IPP: variants seen among roughly 807,000 people sequenced by gnomAD.
IPP encodes the protein actin-binding protein IPP.
A neutral mutation model predicts 64.1 loss-of-function variants in IPP; 41 were observed. The ratio of observed to expected loss-of-function variants is 0.64; its 90% CI spans 0.50 to 0.83. IPP has a LOEUF of 0.83. Among genes scored for constraint, IPP ranks in the 40% least tolerant of loss-of-function variants. The probability of loss-of-function intolerance (pLI) is 0.00; values close to 1 mark genes in which losing one functional copy is unlikely to be tolerated. For synonymous variants in IPP, 214 were observed against 235.2 expected (o/e 0.91, Z 0.83); for missense variants, 649 against 703.0 (o/e 0.92, Z 0.87).
In IPP at chr1:45,698,710, TTTTTTTC is replaced by T. The variant is rs1300258433; in HGVS notation, c.*1249_*1255del. On this transcript the variant is annotated 3_prime_UTR_variant, in exon 9 of 9. Transcript: ENST00000396478. ...ACAATCTAGCAAAAAAGGAAGAATT[TTTTTTTC>T]TTTTTTTTTTTTTTTTTTTGAGACA... 5.4e-6 allele frequency: 4 copies of T among 744,948 alleles called. No homozygotes were observed. Among genetic ancestry groups the T allele is most frequent in the African/African-American group, 3.4e-5 (1 of 29,084 alleles). 46.1% of individuals were successfully genotyped at this position (744,948 alleles called of 1,614,324 possible).
intron 4 of IPP, among the ~76,000 whole-genome samples, chr1:45,728,969 T>A (rs1158295021): frequency 1.3e-5 from 2 of 149,394 alleles, no homozygotes; most frequent in African/African-American, 2.4e-5. Flanking sequence ...CTACTTAAAA[T>A]ATATATATAT....
Position 45,750,594 on chromosome 1 carries a change from T to C in IPP, c.-51+3A>G, listed in dbSNP as rs1646209690. 6.6e-6 allele frequency: 1 copy of C among 152,418 alleles called. No individual in the cohort carries two copies. The highest frequency in any genetic ancestry group is 1.5e-5 in the Non-Finnish European group (1 of 68,218). 9.4% of individuals were successfully genotyped at this position (152,418 alleles called of 1,614,324 possible). ...GACGCGCCCGAACGCAGGCCCTCCT[T>C]ACCCGCCGCTTCCCCTTCCCTCCGG... On this transcript the variant is annotated splice_donor_region_variant and intron_variant, in intron 1 of 8. Coordinates refer to ENST00000396478, the MANE Select transcript of IPP (RefSeq NM_005897.3).
downstream of IPP, among the ~76,000 whole-genome samples, chr1:45,695,548 A>G (rs1356608453): frequency 6.6e-6 from 1 of 152,226 alleles, no homozygotes; most frequent in Non-Finnish European, 1.5e-5. Context: ...GGTGGAGAAA[A>G]AAAGAATTAA....
chr1:45,725,003 C>T (rs1304223967), intron 5 of IPP, among the ~76,000 whole-genome samples: 2 of 143,390 alleles, frequency 1.4e-5, no homozygotes, highest in Non-Finnish European at 3.1e-5. Context: ...GTCGCCCCGT[C>T]CAGGTGGGAG....
At chr1:45,739,059 G>C (rs538770695) in intron 3 of IPP, among the ~76,000 whole-genome samples, 1 of 152,000 alleles carries the variant, frequency 6.6e-6, no homozygotes, top group Non-Finnish European at 1.5e-5. Context: ...AGTAAAACAA[G>C]ATATCACTCA....
intron 6 of IPP, 59 bp from the exon 7 acceptor site, chr1:45,717,076 G>C: frequency 6.5e-7 from 1 of 1,536,986 alleles, no homozygotes; most frequent in Non-Finnish European, 9.0e-7. Context: ...TTATGACAAA[G>C]ACCTTAGAAA....
At chr1:45,742,711 T>G (rs866374889) in intron 2 of IPP, among the ~76,000 whole-genome samples, 2 of 146,464 alleles carry the variant, frequency 1.4e-5, no homozygotes, top group Non-Finnish European at 3.0e-5. Context: ...TTTTCTGTGG[T>G]TTTTTTTTTA....
intron 3 of IPP, among the ~76,000 whole-genome samples, chr1:45,736,142 G>C (rs1016016943): frequency 6.6e-6 from 1 of 151,230 alleles, no homozygotes; most frequent in African/African-American, 2.4e-5. Context: ...TTTTTGTAGA[G>C]ACAGGGTCTC....
chr1:45,717,062 T>G (rs921964094), intron 6 of IPP, 45 bp from the exon 7 acceptor site: 1 of 1,592,158 alleles, frequency 6.3e-7, no homozygotes, highest in South Asian at 1.1e-5. Flanking sequence ...TAAAAGATTC[T>G]TATTTATGAC....
chr1:45,746,368 G>A lies in IPP; in HGVS notation c.44C>T (p.Ser15Leu). ...GATGAGTTGGGCATGTTTATCTGAT[G>A]AAAAAGGACTATCAGCAGCCTTGGG... is the stretch of plus-strand genomic sequence containing the variant. ...DCPKAADSPFSSDKHAQLILA... is the reference protein window; with the variant it reads ...DCPKAADSPFLSDKHAQLILA... Residue 15 changes from serine to leucine, a missense_variant, in exon 2 of 9, where the codon TCA becomes TTA. By Grantham distance (145) the Ser-to-Leu change is moderately radical. Transcript: ENST00000396478. 6.2e-7 allele frequency: 1 copy of A among 1,613,786 alleles called. No individual in the cohort carries two copies. Among genetic ancestry groups the A allele is most frequent in the Non-Finnish European group, 8.5e-7 (1 of 1,179,730 alleles).
chr1:45,743,790 C>T (rs540300275), intron 2 of IPP, among the ~76,000 whole-genome samples: 2 of 151,824 alleles, frequency 1.3e-5, no homozygotes, highest in East Asian at 3.9e-4. Flanking sequence ...GTGAGTGGAT[C>T]ACTTGAGGTC....
chr1:45,726,099 A>T (rs1205929205), intron 5 of IPP, among the ~76,000 whole-genome samples: 15 of 151,018 alleles, frequency 9.9e-5, no homozygotes, highest in Non-Finnish European at 1.8e-4. Flanking sequence ...AAAAATAAAT[A>T]AATAAATAAA....
Position 45,700,387 on chromosome 1 carries a change from G to C in IPP, c.1531-197C>G, listed in dbSNP as rs533538435. On this transcript the variant is annotated intron_variant, in intron 8 of 8. Coordinates refer to ENST00000396478, the MANE Select transcript of IPP (RefSeq NM_005897.3). Reference sequence around the variant, plus strand: ...GACAGGGTCTCGCTCTGTCACCCAGGCTGGAATGCACAGCAACGATCTCGG... The same window carrying C: ...GACAGGGTCTCGCTCTGTCACCCAGCCTGGAATGCACAGCAACGATCTCGG... Among the ~76,000 whole-genome samples the C allele has an allele frequency of 2.1e-5, 3 of 140,792 alleles. No individual in the cohort carries two copies. The South Asian group carries it at 7.3e-4, about 34-fold the overall frequency. The allele number at this position is 140,792 out of a possible 152,430, so 92.4% of individuals were successfully genotyped here.
intron 3 of IPP, among the ~76,000 whole-genome samples, chr1:45,732,664 A>T (rs1356986742): frequency 2.5e-5 from 2 of 78,752 alleles, no homozygotes; most frequent in African/African-American, 4.1e-5. Flanking sequence ...AAGTATTTTT[A>T]TTTATTTATT....
At chr1:45,716,295 C>T (rs1645658181) in intron 7 of IPP, among the ~76,000 whole-genome samples, 1 of 152,130 alleles carries the variant, frequency 6.6e-6, no homozygotes, top group Non-Finnish European at 1.5e-5. Flanking sequence ...ACCCAGGCTG[C>T]AGTGCAGTGG....
intron 3 of IPP, among the ~76,000 whole-genome samples, chr1:45,731,197 T>C (rs1293546917): frequency 6.6e-6 from 1 of 152,134 alleles, no homozygotes; most frequent in Non-Finnish European, 1.5e-5. Context: ...TCCCAGCACT[T>C]TGGGAGGCTG....
downstream of IPP, chr1:45,694,612 A>G: frequency 1.5e-6 from 1 of 679,396 alleles, no homozygotes; most frequent in Non-Finnish European, 2.7e-6. Context: ...CAATTATATG[A>G]GCTAAAAGGA....
At chr1:45,712,790 G>A (rs544991468) in intron 8 of IPP, among the ~76,000 whole-genome samples, 3 of 150,580 alleles carry the variant, frequency 2.0e-5, no homozygotes, top group East Asian at 1.9e-4. Context: ...CCCAGGAGGC[G>A]GAGCTTGTAG....
At chr1:45,723,828 A>G (rs1419114448) in intron 5 of IPP, among the ~76,000 whole-genome samples, 1 of 151,986 alleles carries the variant, frequency 6.6e-6, no homozygotes, top group Non-Finnish European at 1.5e-5. Flanking sequence ...TAAAAAATAA[A>G]TAAATAAAAT....
Sources: allele counts gnomAD v4.1 joint callset (sites outside exome capture counted in the v4.1 genomes callset), GRCh38; gene constraint gnomAD v4.1.1; transcripts MANE v1.5; gene names NCBI Gene and HGNC (gene_info 2026-07-23, HGNC 2026-07-21).